The following SLC12A6 variants were observed in gnomAD, a reference collection of about 807,000 sequenced individuals.
The protein encoded by SLC12A6 is K-Cl cotransporter 3.
A neutral mutation model predicts 135.3 loss-of-function variants in SLC12A6; 66 were observed. The ratio of observed to expected loss-of-function variants is 0.49; its 90% CI spans 0.40 to 0.60. The LOEUF (loss-of-function observed/expected upper bound fraction) is 0.60. Ranked by LOEUF, SLC12A6 falls within the 20% of genes least tolerant of loss-of-function variation. The pLI is 0.00. For synonymous variants in SLC12A6, 513 were observed against 508.8 expected (o/e 1.01, Z -0.11); for missense variants, 1,058 against 1,452.3 (o/e 0.73, Z 4.41).
At position 34,252,017 on chromosome 15, in the gene SLC12A6, G is replaced by C. The variant is rs117050982; in HGVS notation, c.1333+153C>G. Among the ~76,000 whole-genome samples, 1,978 of 152,320 alleles carry C rather than the reference G, an allele frequency of 0.013. 22 individuals are homozygous for C. The highest frequency in any genetic ancestry group is 0.022 in the Non-Finnish European group (1,521 of 68,016). The stretch of plus-strand genomic sequence containing the variant: ...GGACAGCTTTACTAATGGAAAAGCA[G>C]AAATATGGTGAATTAAGAGCTGTGT... On this transcript the variant is annotated intron_variant, in intron 10 of 25. Transcript: ENST00000354181.
chr15:34,329,785 G>A (rs147688459), intron 2 of SLC12A6, among the ~76,000 whole-genome samples: 2 of 152,162 alleles, frequency 1.3e-5, no homozygotes, highest in African/African-American at 4.8e-5. Flanking sequence ...AGAGACCCAA[G>A]TGAGAGGATC....
chr15:34,291,568 G>T (rs1758270930), intron 2 of SLC12A6, among the ~76,000 whole-genome samples: 1 of 152,186 alleles, frequency 6.6e-6, no homozygotes, highest in Non-Finnish European at 1.5e-5. Context: ...ATAATATCCT[G>T]AAGAGTGTTT....
chr15:34,239,050 C>T lies in SLC12A6; in HGVS notation c.2547G>A (p.Gly849=). The T allele has an allele frequency of 1.2e-6, 2 of 1,614,140 alleles. No homozygotes were observed. The highest frequency in any genetic ancestry group is 1.7e-6 in the Non-Finnish European group (2 of 1,179,996). ...TCACCACCGTGTTGTGCTTCATGCC[C>T]CCAAGGCCACATGACTGGATGAGGT... ...ISHLIQSCGL[G]GMKHNTVVMG... The change falls in exon 20 of 26, where the codon GGG becomes GGA. Residue 849 remains glycine (G), a synonymous_variant. Coordinates refer to ENST00000354181, the MANE Select transcript of SLC12A6 (RefSeq NM_001365088.1).
At chr15:34,252,596 C>T (rs1043951629) in intron 9 of SLC12A6, among the ~76,000 whole-genome samples, 1 of 152,128 alleles carries the variant, frequency 6.6e-6, no homozygotes, top group African/African-American at 2.4e-5. Context: ...TTACAGCAAC[C>T]TCACAATGTA....
rs188140555 is a variant in SLC12A6, at chr15:34,283,437, C to A, written c.272-8048G>T. On this transcript the variant is annotated intron_variant, in intron 2 of 25. Transcript: ENST00000354181. ...AAATAAAGAAGGGTGATTAGAGAGG[C>A]TATTTTTTATTGGGTGGACTGTCAG... is the stretch of plus-strand genomic sequence containing the variant. Among the ~76,000 whole-genome samples, 13 of 152,166 alleles carry A rather than the reference C, an allele frequency of 8.5e-5. No individual in the cohort carries two copies. The East Asian group carries it at 2.1e-3, about 25-fold the overall frequency.
At chr15:34,264,379 G>A (rs1893353977) in intron 3 of SLC12A6, among the ~76,000 whole-genome samples, 1 of 152,120 alleles carries the variant, frequency 6.6e-6, no homozygotes, top group African/African-American at 2.4e-5. Context: ...ATCTAATCAA[G>A]CCTCGAAATC....
Position 34,298,465 on chromosome 15 carries a change from ACT to A in SLC12A6, c.272-23078_272-23077del, listed in dbSNP as rs1215982068. 6.7e-5 allele frequency among the ~76,000 whole-genome samples: 10 copies of A among 149,928 alleles called. 1 individual carries two copies. Among genetic ancestry groups the A allele is most frequent in the African/African-American group, 2.5e-4 (10 of 40,230 alleles). The stretch of plus-strand genomic sequence containing the variant: ...ACTCCAGCCTAGGCGACAGAGTGAG[ACT>A]CTGTCTCAAAATAAATAAATAAATA... On this transcript the variant is annotated intron_variant, in intron 2 of 25. Transcript: ENST00000354181.
intron 4 of SLC12A6, 26 bp downstream of exon 4, chr15:34,260,900 G>T: frequency 2.1e-6 from 2 of 954,448 alleles, no homozygotes; most frequent in Non-Finnish European, 3.5e-6. Context: ...TAAAGTCTCA[G>T]TCCATAGTTT....
chr15:34,310,005 C>T (rs1436582179), intron 2 of SLC12A6, among the ~76,000 whole-genome samples: 9 of 144,130 alleles, frequency 6.2e-5, no homozygotes, highest in African/African-American at 1.3e-4. Flanking sequence ...AAGAGATAAT[C>T]TTTTTTTTTT....
chr15:34,308,073 C>T (rs1026786703), intron 2 of SLC12A6, among the ~76,000 whole-genome samples: 8 of 152,114 alleles, frequency 5.3e-5, no homozygotes, highest in African/African-American at 1.4e-4. Flanking sequence ...AGCTTCATTT[C>T]CATGAAAATG....
At position 34,250,531 on chromosome 15, in the gene SLC12A6, G is replaced by C. The variant is rs562503601; in HGVS notation, c.1591+100C>G. 5.3e-5 allele frequency: 45 copies of C among 845,264 alleles called. No individual in the cohort carries two copies. The South Asian group carries it at 5.8e-4, about 11-fold the overall frequency. 52.4% of individuals were successfully genotyped at this position (845,264 alleles called of 1,614,324 possible). On this transcript the variant is annotated intron_variant, in intron 12 of 25. Transcript: ENST00000354181. The stretch of plus-strand genomic sequence containing the variant: ...TAATCTGGCAAGAAGTGAAGTGATA[G>C]AAAGCAGGTATCTTTGTTACCAGGA...
chr15:34,271,374 CT>C (rs11343354), intron 3 of SLC12A6, among the ~76,000 whole-genome samples: 57,019 of 144,032 alleles, frequency 0.4, 13,687 homozygotes, highest in African/African-American at 0.71. Context: ...TTGGCCTATA[CT>C]TTTTTTTTTT....
At chr15:34,276,767 C>T (rs1340709018) in intron 2 of SLC12A6, among the ~76,000 whole-genome samples, 1 of 152,162 alleles carries the variant, frequency 6.6e-6, no homozygotes, top group African/African-American at 2.4e-5. Context: ...AAATCTGAGA[C>T]ATTTTTATAT....
At chr15:34,290,963 G>T (rs1227596534) in intron 2 of SLC12A6, among the ~76,000 whole-genome samples, 1 of 152,018 alleles carries the variant, frequency 6.6e-6, no homozygotes, top group African/African-American at 2.4e-5. Context: ...TTTTAATTGG[G>T]GCACTTACCC....
At chr15:34,333,838 AGGTGG>A (rs1267561870) in intron 2 of SLC12A6, among the ~76,000 whole-genome samples, 1 of 152,028 alleles carries the variant, frequency 6.6e-6, no homozygotes, top group Non-Finnish European at 1.5e-5. Flanking sequence ...TGGGAGGCCA[AGGTGG>A]GTGTATCTCC....
At position 34,241,247 on chromosome 15, in the gene SLC12A6, G is replaced by A; in HGVS notation, c.2253C>T (p.His751=). 6.3e-7 allele frequency: 1 copy of A among 1,579,382 alleles called. No homozygotes were observed. Among genetic ancestry groups the A allele is most frequent in the Non-Finnish European group, 8.7e-7 (1 of 1,148,358 alleles). The change falls in exon 18 of 26, where the codon CAC becomes CAT. Residue 751 remains histidine, a synonymous_variant. Transcript: ENST00000354181. The part of the protein sequence containing the change: ...ALLRLEEGPP[H]TKNWRPQLLV... ...GATTTCTTTACCTCCAGTTTTTAGTGTGTGGAGGTCCTTCCTCCAATCGAA... is the reference window on the plus strand; with the variant it reads ...GATTTCTTTACCTCCAGTTTTTAGTATGTGGAGGTCCTTCCTCCAATCGAA...
intron 25 of SLC12A6, among the ~76,000 whole-genome samples, chr15:34,234,473 G>A (rs1236725146): frequency 2.6e-5 from 4 of 152,086 alleles, no homozygotes; most frequent in African/African-American, 9.7e-5. Flanking sequence ...CCTGGTTCAA[G>A]TGATTCTCCT....
chr15:34,335,311 T>C (rs538207666), intron 2 of SLC12A6, among the ~76,000 whole-genome samples: 12 of 152,264 alleles, frequency 7.9e-5, no homozygotes, highest in African/African-American at 2.9e-4. Flanking sequence ...CTCCAGATAC[T>C]AAAAACACAA....
intron 1 of SLC12A6, chr15:34,337,075 G>C: frequency 3.1e-6 from 1 of 327,088 alleles, no homozygotes. Context: ...GTTTCCTGTC[G>C]AGGTAGTCCT....
Sources: gnomAD v4.1 joint callset for allele counts (sites outside exome capture counted in the v4.1 genomes callset) on GRCh38, gnomAD v4.1.1 for gene constraint, MANE v1.5 for transcripts, NCBI Gene and HGNC (gene_info 2026-07-23, HGNC 2026-07-21) for gene names.